Variants in OR51A7 observed in about 807,000 individuals in gnomAD.
The protein encoded by OR51A7 is olfactory receptor 51A7.
For synonymous variants in OR51A7, 143 were observed against 135.5 expected (o/e 1.05, Z -0.38); for missense variants, 409 against 374.5 (o/e 1.09, Z -0.76).
At position 4,906,834 on chromosome 11, in the gene OR51A7, T is replaced by C. The variant is rs112269799; in HGVS notation, c.-31-505T>C. Reference sequence around the variant, plus strand: ...GGCCAGATGCAGTGGCTCACACCTGTAATCCCAGCACTTTGGGAGGCCAAG... The same window carrying C: ...GGCCAGATGCAGTGGCTCACACCTGCAATCCCAGCACTTTGGGAGGCCAAG... On this transcript the variant is annotated intron_variant, in intron 1 of 1. Transcript: ENST00000641490. 5.6e-4 allele frequency among the ~76,000 whole-genome samples: 86 copies of C among 152,236 alleles called. 1 individual carries two copies. The South Asian group carries it at 0.017, about 29-fold the overall frequency.
chr11:4,908,200 T>G lies in OR51A7; in HGVS notation c.831T>G (p.Asp277Glu), dbSNP rs768908669. 2.5e-5 allele frequency: 40 copies of G among 1,614,094 alleles called. No individual in the cohort carries two copies. The highest frequency in any genetic ancestry group is 3.3e-5 in the Non-Finnish European group (39 of 1,180,030). Residue 277 changes from aspartate to glutamate, a missense_variant, in exon 2 of 2, where the codon GAT becomes GAG. Coordinates refer to ENST00000641490, the MANE Select transcript of OR51A7 (RefSeq NM_001004749.2). The stretch of plus-strand genomic sequence containing the variant: ...CTCTTGTTGTGATCCTTATTGCAGA[T>G]ATGTTCTTGTTGGTGCCGCCCCTTA... ...KSPLVVILIA[D>E]MFLLVPPLMN...
In OR51A7 at chr11:4,907,588, G is replaced by A; in HGVS notation, c.219G>A (p.Leu73=). 3 of 1,613,982 alleles carry A rather than the reference G, an allele frequency of 1.9e-6. No homozygotes were observed. Among genetic ancestry groups the A allele is most frequent in the African/African-American group, 1.3e-5 (1 of 75,032 alleles). Residue 73 remains leucine, a synonymous_variant, in exon 2 of 2, where the codon CTG becomes CTA. Transcript: ENST00000641490. ...TGTTGGCTGTCTCTGACATGGGCCT[G>A]TCCCTCTCCTCCCTTCCTACCATGT... ...LAMLAVSDMG[L]SLSSLPTMLR... is the part of the protein sequence containing the mutation.
chr11:4,908,129 A>G lies in OR51A7; in HGVS notation c.760A>G (p.Ile254Val). ...TGCTGTGCTCACCTTCTATGTGCCC[A>G]TCATCACCCTGGCTGCCATGCATCA... ...ICAVLTFYVP[I>V]ITLAAMHHFA... is the part of the protein sequence containing the mutation. The change falls in exon 2 of 2, where the codon ATC (isoleucine) becomes GTC (valine). Residue 254 changes from isoleucine (I) to valine (V), a missense_variant. Transcript: ENST00000641490. 1.2e-6 allele frequency: 2 copies of G among 1,614,198 alleles called. No homozygotes were observed. Among genetic ancestry groups the G allele is most frequent in the African/African-American group, 1.3e-5 (1 of 75,060 alleles).
rs190272373 is a variant in OR51A7 at position 4,907,020 on chromosome 11, C to T, written c.-31-319C>T. Among the ~76,000 whole-genome samples the T allele has an allele frequency of 5.3e-3, 731 of 137,760 alleles. 5 individuals carry two copies. Among genetic ancestry groups the T allele is most frequent in the Middle Eastern group, 0.017 (4 of 236 alleles). The allele number at this position is 137,760 out of a possible 152,430, so 90.4% of individuals were successfully genotyped here. On this transcript the variant is annotated intron_variant, in intron 1 of 1. Transcript: ENST00000641490. ...CTGAGGCAGGAGAATCACTTGATCG[C>T]GGGAGGTGGAGGTTGCAGCAAGCTG...
rs3065178 is a variant in OR51A7, at chr11:4,907,095, T to TAAAAAAAAAAAAAAAAAAAA, written c.-31-243_-31-224dup. ...TGGGCAACAAGAGCAAAACTCCCTCTAAAAAAAAAAAAAAAAAAAATCCTA... is the reference window on the plus strand; with the variant it reads ...TGGGCAACAAGAGCAAAACTCCCTCTAAAAAAAAAAAAAAAAAAAAAAAAAAAAAAAAAAAAAAAATCCTA... On this transcript the variant is annotated intron_variant, in intron 1 of 1. Coordinates refer to ENST00000641490, the MANE Select transcript of OR51A7 (RefSeq NM_001004749.2). Among the ~76,000 whole-genome samples, 185 of 55,068 alleles carry TAAAAAAAAAAAAAAAAAAAA rather than the reference T, an allele frequency of 3.4e-3. 7 individuals carry two copies. Among genetic ancestry groups the TAAAAAAAAAAAAAAAAAAAA allele is most frequent in the African/African-American group, 9.9e-3 (151 of 15,240 alleles). The allele number at this position is 55,068 out of a possible 152,430, so 36.1% of individuals were successfully genotyped here.
rs746387952 is a variant in OR51A7 at position 4,908,085 on chromosome 11, C to T, written c.716C>T (p.Thr239Ile). ...SLAERLKALN[T>I]CVSHICAVLT... Reference sequence around the variant, plus strand: ...GCAGAGAGGCTTAAGGCCCTAAATACCTGTGTCTCCCACATCTGTGCTGTG... The same window carrying T: ...GCAGAGAGGCTTAAGGCCCTAAATATCTGTGTCTCCCACATCTGTGCTGTG... Residue 239 changes from threonine (T) to isoleucine (I), a missense_variant, in exon 2 of 2, where the codon ACC becomes ATC. Thr to Ile is a moderately conservative substitution (Grantham distance 89). Coordinates refer to ENST00000641490, the MANE Select transcript of OR51A7 (RefSeq NM_001004749.2). 6.2e-7 allele frequency: 1 copy of T among 1,614,086 alleles called. No homozygotes were observed.
chr11:4,908,274 T>G lies in OR51A7; in HGVS notation c.905T>G (p.Ile302Ser), dbSNP rs1366848231. 1 of 1,613,992 alleles carries G rather than the reference T, an allele frequency of 6.2e-7. No individual in the cohort carries two copies. The highest frequency in any genetic ancestry group is 8.5e-7 in the Non-Finnish European group (1 of 1,180,004). ...AAGACTCGACAAATCTGGGAGAAGA[T>G]CTTGGGGAAGTTGCTTAATGTATGT... ...CVKTRQIWEK[I>S]LGKLLNVCGR The change falls in exon 2 of 2, where the codon ATC becomes AGC. Residue 302 changes from isoleucine (I) to serine (S), a missense_variant. Ile to Ser is a moderately radical substitution (Grantham distance 142). Transcript: ENST00000641490.
Position 4,908,421 on chromosome 11 carries a change from G to C in OR51A7, c.*113G>C. 1 of 856,038 alleles carries C rather than the reference G, an allele frequency of 1.2e-6. No individual in the cohort carries two copies. Among genetic ancestry groups the C allele is most frequent in the Non-Finnish European group, 1.9e-6 (1 of 520,688 alleles). 53.0% of individuals were successfully genotyped at this position (856,038 alleles called of 1,614,324 possible). On this transcript the variant is annotated 3_prime_UTR_variant, in exon 2 of 2. Coordinates refer to ENST00000641490, the MANE Select transcript of OR51A7 (RefSeq NM_001004749.2). ...AAGGACTGGATGATGGAAGTGAAAA[G>C]CTATGTAGTGCAGAATTTATAATAA...
chr11:4,906,081 G>T (rs1850883763), intron 1 of OR51A7, among the ~76,000 whole-genome samples: 1 of 152,162 alleles, frequency 6.6e-6, no homozygotes, highest in Non-Finnish European at 1.5e-5. Flanking sequence ...CAATACTACT[G>T]TAGAGCTTCA....
Position 4,908,564 on chromosome 11 carries a change from G to A in OR51A7, c.*256G>A, listed in dbSNP as rs1228637708. ...AAATACTTCTGTGATGGAGCAGCTG[G>A]ATTTGAGTCAACCCATAAAGAATGA... On this transcript the variant is annotated 3_prime_UTR_variant, in exon 2 of 2. Transcript: ENST00000641490. 6.0e-6 allele frequency: 3 copies of A among 503,466 alleles called. No homozygotes were observed. Among genetic ancestry groups the A allele is most frequent in the Non-Finnish European group, 1.1e-5 (3 of 278,144 alleles). The allele number at this position is 503,466 out of a possible 1,614,324, so 31.2% of individuals were successfully genotyped here. A position where few individuals can be genotyped will look rare whatever the true frequency, so the allele number is the denominator to read the frequency against.
Position 4,907,935 on chromosome 11 carries a change from G to T in OR51A7, c.566G>T (p.Cys189Phe). 2.5e-6 allele frequency: 4 copies of T among 1,614,074 alleles called. No homozygotes were observed. Among genetic ancestry groups the T allele is most frequent in the Non-Finnish European group, 3.4e-6 (4 of 1,179,996 alleles). The stretch of plus-strand genomic sequence containing the variant: ...CATCAGGATACCATGAAGCTGGCCT[G>T]CTCTGACAACAAGACCAATGTCATC... ...CLHQDTMKLA[C>F]SDNKTNVIYG... Residue 189 changes from cysteine to phenylalanine, a missense_variant, in exon 2 of 2, where the codon TGC becomes TTC. Physicochemically the swap from Cys to Phe is radical, Grantham distance 205 (BLOSUM62 -2). Coordinates refer to ENST00000641490, the MANE Select transcript of OR51A7 (RefSeq NM_001004749.2).
chr11:4,906,858 A>AG (rs1850898025), intron 1 of OR51A7, among the ~76,000 whole-genome samples: 3 of 152,160 alleles, frequency 2.0e-5, no homozygotes, highest in Admixed American at 1.3e-4. Flanking sequence ...TGGGAGGCCA[A>AG]GGCAGGTGGA....
Position 4,908,255 on chromosome 11 carries a change from C to T in OR51A7, c.886C>T (p.Arg296Ter), listed in dbSNP as rs754596163. 1.3e-5 allele frequency: 21 copies of T among 1,614,000 alleles called. No homozygotes were observed. The highest frequency in any genetic ancestry group is 2.2e-5 in the South Asian group (2 of 91,070). Reference sequence around the variant, plus strand: ...CCCCATTGTGTACTGTGTAAAGACTCGACAAATCTGGGAGAAGATCTTGGG... The same window carrying T: ...CCCCATTGTGTACTGTGTAAAGACTTGACAAATCTGGGAGAAGATCTTGGG... ...MNPIVYCVKTRQIWEKILGKL... is the reference protein window; with the variant it reads ...MNPIVYCVKT The change falls in exon 2 of 2, where the codon CGA (arginine) becomes TGA (stop). Residue 296 changes from arginine to a stop codon, truncating the protein, a stop_gained. Coordinates refer to ENST00000641490, the MANE Select transcript of OR51A7 (RefSeq NM_001004749.2). LOFTEE classifies it low-confidence loss of function (END_TRUNC).
At chr11:4,907,273 C>A in intron 1 of OR51A7, 66 bp from the exon 2 acceptor site, 1 of 736,756 alleles carries the variant, frequency 1.4e-6, no homozygotes, top group Non-Finnish European at 2.2e-6. Flanking sequence ...TACGAATGAA[C>A]CCCTTATCCT....
chr11:4,904,039 A>G (rs188162991), intron 1 of OR51A7, among the ~76,000 whole-genome samples, 195 bp downstream of exon 1: 6 of 152,218 alleles, frequency 3.9e-5, no homozygotes, highest in Admixed American at 1.3e-4. Flanking sequence ...AATAAAAGCA[A>G]GCCTTATTGT....
chr11:4,907,966 C>G lies in OR51A7; in HGVS notation c.597C>G (p.Gly199=). ...CSDNKTNVIY[G]FFIALCTMLD... ...ACAACAAGACCAATGTCATCTATGGCTTCTTCATTGCTCTCTGTACTATGC... is the reference window on the plus strand; with the variant it reads ...ACAACAAGACCAATGTCATCTATGGGTTCTTCATTGCTCTCTGTACTATGC... Residue 199 remains glycine, a synonymous_variant, in exon 2 of 2, where the codon GGC becomes GGG. Transcript: ENST00000641490. The G allele has an allele frequency of 6.2e-7, 1 of 1,614,094 alleles. No individual in the cohort carries two copies.
rs1407853784 is a variant in OR51A7, at chr11:4,908,834, C to G, written c.*526C>G. The stretch of plus-strand genomic sequence containing the variant: ...CTAAATTCAGGAGGTGTTGGAATGC[C>G]AATTTCTTCTCTACATGATAAATTT... On this transcript the variant is annotated 3_prime_UTR_variant, in exon 2 of 2. Coordinates refer to ENST00000641490, the MANE Select transcript of OR51A7 (RefSeq NM_001004749.2). The G allele has an allele frequency of 6.2e-6, 1 of 162,064 alleles. No homozygotes were observed. The highest frequency in any genetic ancestry group is 1.4e-5 in the Non-Finnish European group (1 of 73,778). 10.0% of individuals were successfully genotyped at this position (162,064 alleles called of 1,614,324 possible).
intron 1 of OR51A7, among the ~76,000 whole-genome samples, chr11:4,905,555 T>A (rs1322175665): frequency 6.6e-6 from 1 of 152,176 alleles, no homozygotes; most frequent in Non-Finnish European, 1.5e-5. Flanking sequence ...CTCTTGCAAG[T>A]TGAAGTTTAA....
Position 4,909,365 on chromosome 11 carries a change from A to G in OR51A7, c.*1057A>G, listed in dbSNP as rs1020251989. ...AATCTCTCTGGGATTCTAAGGTAAG[A>G]GTGTTGTAAACAGAAAAGAAAAGCT... On this transcript the variant is annotated 3_prime_UTR_variant, in exon 2 of 2. Coordinates refer to ENST00000641490, the MANE Select transcript of OR51A7 (RefSeq NM_001004749.2). 4 of 152,200 alleles carry G rather than the reference A, an allele frequency of 2.6e-5. No individual in the cohort carries two copies. Among genetic ancestry groups the G allele is most frequent in the Non-Finnish European group, 4.4e-5 (3 of 68,038 alleles). 9.4% of individuals were successfully genotyped at this position (152,200 alleles called of 1,614,324 possible).
Sources: gnomAD v4.1 joint callset for allele counts (sites outside exome capture counted in the v4.1 genomes callset) on GRCh38, gnomAD v4.1.1 for gene constraint, MANE v1.5 for transcripts, NCBI Gene and HGNC (gene_info 2026-07-23, HGNC 2026-07-21) for gene names.